The following CFAP65 variants were observed in gnomAD, a reference collection of about 807,000 sequenced individuals.
CFAP65 encodes cilia and flagella associated protein 65, also known as cilia- and flagella-associated protein 65.
A neutral mutation model predicts 208.0 loss-of-function variants in CFAP65; 155 were observed. The observed-to-expected ratio is 0.75, with a 90% confidence interval of 0.65 to 0.85. The LOEUF is 0.85. CFAP65 is among the 40% of genes least tolerant of loss of function. The probability of loss-of-function intolerance (pLI) is 0.00; values close to 1 mark genes in which losing one functional copy is unlikely to be tolerated. For missense variants in CFAP65, 2,294 were observed against 2,451.3 expected (o/e 0.94, Z 1.36); for synonymous variants, 970 against 986.3 (o/e 0.98, Z 0.31).
At chr2:219,041,282 T>TA (rs1235972071) in intron 1 of CFAP65, 1 of 523,572 alleles carries the variant, frequency 1.9e-6, no homozygotes, top group Admixed American at 3.5e-5. Context: ...AAAATACACT[T>TA]AGAGCTGTTT....
Position 219,019,088 on chromosome 2 carries a change from G to C in CFAP65, c.3565C>G (p.Leu1189Val). The change falls in exon 21 of 35, where the codon CTG (leucine) becomes GTG (valine). Residue 1189 changes from leucine to valine, a missense_variant. Transcript: ENST00000341552. ...ACCACTCCGCTGTTCTTCAGGGCCA[G>C]GAATACCACGGAAGGTGGGGCCTTG... ...PFKAPPSVVFLALKNSGVVSL... is the reference protein window; with the variant it reads ...PFKAPPSVVFVALKNSGVVSL... The C allele has an allele frequency of 6.2e-7, 1 of 1,614,254 alleles. No individual in the cohort carries two copies. The highest frequency in any genetic ancestry group is 8.5e-7 in the Non-Finnish European group (1 of 1,180,046).
chr2:219,014,760 C>CACACCTGAGAGAAAGCACACAAT (rs1946735462), intron 21 of CFAP65: 1 of 151,654 alleles, frequency 6.6e-6, no homozygotes, highest in African/African-American at 2.4e-5. Flanking sequence ...AAGCGCACAA[C>CACACCTGAGAGAAAGCACACAAT]GCACACCTGA....
chr2:219,003,105 C>G lies in CFAP65; in HGVS notation c.5693+30G>C. 3.2e-6 allele frequency: 5 copies of G among 1,543,496 alleles called. No homozygotes were observed. In the South Asian group the frequency reaches 4.8e-5, roughly 15 times the overall value. On this transcript the variant is annotated intron_variant, in intron 34 of 34. Transcript: ENST00000341552. The surrounding 1 kb of genome is among the most constrained non-coding windows in gnomAD (Gnocchi z 4.4). ...GCCCCCGTGGCCCCTCTCGCGCGGT[C>G]TGCGCGGCCGCTGGTCCCGGCGCCC...
rs563546842 is a variant in CFAP65, at chr2:219,029,265, G to A, written c.1650+138C>T. 3.5e-6 allele frequency: 4 copies of A among 1,133,802 alleles called. No individual in the cohort carries two copies. The African/African-American group carries it at 4.7e-5, about 13-fold the overall frequency. 70.2% of individuals were successfully genotyped at this position (1,133,802 alleles called of 1,614,324 possible). A position where few individuals can be genotyped will look rare whatever the true frequency, so the allele number is the denominator to read the frequency against. ...ACTGGCTCCAAAAGCCAGGGCTGGGGCCCAGGAGTGGGAGACCACCAGGCA... is the reference window on the plus strand; with the variant it reads ...ACTGGCTCCAAAAGCCAGGGCTGGGACCCAGGAGTGGGAGACCACCAGGCA... On this transcript the variant is annotated intron_variant, in intron 11 of 34. Coordinates refer to ENST00000341552, the MANE Select transcript of CFAP65 (RefSeq NM_194302.4).
In CFAP65 at chr2:219,004,515, C is replaced by T; in HGVS notation, c.5052-60G>A. The T allele has an allele frequency of 6.5e-7, 1 of 1,530,854 alleles. No individual in the cohort carries two copies. Among genetic ancestry groups the T allele is most frequent in the Non-Finnish European group, 8.8e-7 (1 of 1,142,542 alleles). The allele number at this position is 1,530,854 out of a possible 1,614,324, so 94.8% of individuals were successfully genotyped here. ...AGGGGCCCTGAAGCCCCTGGGGAGC[C>T]CTGGCTTCAGAGCTAGGTTCTAGGT... On this transcript the variant is annotated intron_variant, in intron 32 of 34. Coordinates refer to ENST00000341552, the MANE Select transcript of CFAP65 (RefSeq NM_194302.4). The surrounding 1 kb of genome is among the most constrained non-coding windows in gnomAD (Gnocchi z 4.7).
At chr2:219,029,773 G>A (rs1274831067) in intron 10 of CFAP65, 105 bp from the exon 11 acceptor site, 2 of 1,413,198 alleles carry the variant, frequency 1.4e-6, no homozygotes, top group South Asian at 1.3e-5. Context: ...CCAGAGCCCT[G>A]GCAGCCTGAG....
chr2:219,009,645 A>G (rs1459409347), intron 27 of CFAP65, among the ~76,000 whole-genome samples, 185 bp from the exon 28 acceptor site: 9 of 86,852 alleles, frequency 1.0e-4, no homozygotes, highest in African/African-American at 2.1e-4. Flanking sequence ...ATGGGATGGG[A>G]TGGGATGGGA....
intron 16 of CFAP65, among the ~76,000 whole-genome samples, 196 bp from the exon 17 acceptor site, chr2:219,022,525 T>C (rs1009253322): frequency 6.6e-6 from 1 of 152,192 alleles, no homozygotes; most frequent in Non-Finnish European, 1.5e-5. Flanking sequence ...GGGTCAGTAG[T>C]ATTATTTCCA....
At chr2:219,007,818 CTTT>C (rs376788210) in intron 29 of CFAP65, among the ~76,000 whole-genome samples, 4 of 145,578 alleles carry the variant, frequency 2.7e-5, no homozygotes, top group African/African-American at 2.5e-5. Flanking sequence ...AGACTTTTAT[CTTT>C]TTTTTTTTTT....
At position 219,026,145 on chromosome 2, in the gene CFAP65, G is replaced by A; in HGVS notation, c.2226C>T (p.Tyr742=). Residue 742 remains tyrosine (Y), a synonymous_variant, in exon 14 of 35, where the codon TAC becomes TAT. Transcript: ENST00000341552. ...TGGTGCAGTCCTCCTCAATATTACT[G>A]TAGCTCTGCAGGACCTGCAGAGGGG... ...AFAIYKVLQS[Y]SNIEEDCTMC... 6.2e-7 allele frequency: 1 copy of A among 1,612,494 alleles called. No individual in the cohort carries two copies. The highest frequency in any genetic ancestry group is 1.3e-5 in the African/African-American group (1 of 75,000).
At chr2:219,038,812 G>C in intron 3 of CFAP65, 84 bp downstream of exon 3, 1 of 1,427,898 alleles carries the variant, frequency 7.0e-7, no homozygotes, top group Non-Finnish European at 9.4e-7. Flanking sequence ...TTGGGGACAA[G>C]GCCCACCCCA....
chr2:219,039,091 G>A (rs1948533538), intron 2 of CFAP65, 41 bp from the exon 3 acceptor site: 1 of 1,517,098 alleles, frequency 6.6e-7, no homozygotes, highest in African/African-American at 1.4e-5. Flanking sequence ...TCCATCTCCA[G>A]AGCAGAGGGA....
In CFAP65 at chr2:219,032,477, A is replaced by G; in HGVS notation, c.638T>C (p.Leu213Pro). ...CGCTGTGGCAGACCTTACCGCCTCC[A>G]GAGGCCGGAAGACGATGGGGAGCGT... ...TLTLPIVFRP[L>P]EAKEYMDQLW... The change falls in exon 6 of 35, where the codon CTG becomes CCG. Residue 213 changes from leucine to proline, a missense_variant. Leu to Pro is a moderately conservative substitution (Grantham distance 98). Around this residue, in one of 2 missense-constraint regions of CFAP65, gnomAD observed 867 missense variants for 1,012.6 expected, o/e 0.86. Coordinates refer to ENST00000341552, the MANE Select transcript of CFAP65 (RefSeq NM_194302.4). This position sits in a 1 kb window ranked among gnomAD's most constrained non-coding sequence, Gnocchi z 5.5. 1 of 1,592,310 alleles carries G rather than the reference A, an allele frequency of 6.3e-7. No individual in the cohort carries two copies. Among genetic ancestry groups the G allele is most frequent in the Admixed American group, 1.8e-5 (1 of 56,640 alleles).
intron 4 of CFAP65, among the ~76,000 whole-genome samples, chr2:219,035,951 C>T (rs1218544915): frequency 6.6e-6 from 1 of 152,170 alleles, no homozygotes; most frequent in Non-Finnish European, 1.5e-5. Context: ...CCATCAGCCA[C>T]TCTGTGCAAA....
At chr2:219,021,389 G>A (rs1449774477) in intron 18 of CFAP65, 109 bp from the exon 19 acceptor site, 1 of 1,329,398 alleles carries the variant, frequency 7.5e-7, no homozygotes, top group African/African-American at 1.5e-5. Context: ...AGCAGGCCCT[G>A]AGGCAGGAAA....
intron 14 of CFAP65, 57 bp from the exon 15 acceptor site, chr2:219,024,317 ACACTCAGGG>A: frequency 6.4e-7 from 1 of 1,561,854 alleles, no homozygotes; most frequent in Non-Finnish European, 8.7e-7. Flanking sequence ...CCTGGGACAC[ACACTCAGGG>A]CCCTATGGGG....
At chr2:219,029,748 G>C in intron 10 of CFAP65, 80 bp from the exon 11 acceptor site, 1 of 1,541,012 alleles carries the variant, frequency 6.5e-7, no homozygotes. Context: ...GTACTCTCAG[G>C]GCCAGGCTAC....
Position 219,013,963 on chromosome 2 carries a change from G to A in CFAP65, c.3684C>T (p.His1228=). ...GGCAATTGTCCTGCACGCGCATCTG[G>A]TGGAGCTCAGTGGAATTCAACTCTG... ...EQAELNSTEL[H]QMRVQDNCLF... is the part of the protein sequence containing the mutation. The change falls in exon 22 of 35, where the codon CAC becomes CAT. Residue 1228 remains histidine, a synonymous_variant. Coordinates refer to ENST00000341552, the MANE Select transcript of CFAP65 (RefSeq NM_194302.4). The A allele has an allele frequency of 6.2e-7, 1 of 1,613,414 alleles. No individual in the cohort carries two copies. The highest frequency in any genetic ancestry group is 8.5e-7 in the Non-Finnish European group (1 of 1,179,772).
chr2:219,004,343 T>C lies in CFAP65; in HGVS notation c.5164A>G (p.Lys1722Glu), dbSNP rs1271411668. 2 of 1,614,130 alleles carry C rather than the reference T, an allele frequency of 1.2e-6. No individual in the cohort carries two copies. The highest frequency in any genetic ancestry group is 1.7e-6 in the Non-Finnish European group (2 of 1,180,048). ...NEQSTKFMDQ[K>E]NSLYLMPILP... ...ATTGGCATTAAGTACAGGCTGTTTT[T>C]CTGGTCCATGAACTTAGTTGACTGC... The change falls in exon 33 of 35, where the codon AAA becomes GAA. Residue 1722 changes from lysine (K) to glutamate (E), a missense_variant. Coordinates refer to ENST00000341552, the MANE Select transcript of CFAP65 (RefSeq NM_194302.4). This position sits in a 1 kb window ranked among gnomAD's most constrained non-coding sequence, Gnocchi z 4.7.
Sources: allele counts gnomAD v4.1 joint callset (sites outside exome capture counted in the v4.1 genomes callset), GRCh38; gene constraint gnomAD v4.1.1; regional missense constraint gnomAD v4.1.1; non-coding constraint Gnocchi (gnomAD v3.1); transcripts MANE v1.5; gene names NCBI Gene and HGNC (gene_info 2026-07-23, HGNC 2026-07-21).